GSE1: variants seen among roughly 807,000 people sequenced by gnomAD.
The protein encoded by GSE1 is Gse1 coiled-coil protein.
A neutral mutation model predicts 112.6 loss-of-function variants in GSE1; 32 were observed. The observed-to-expected ratio is 0.28, with a 90% confidence interval of 0.21 to 0.38. The LOEUF is 0.38. Among genes scored for constraint, GSE1 ranks in the 10% least tolerant of loss-of-function variants. The pLI is 1.00. For missense variants in GSE1, 2,348 were observed against 1,699.2 expected (o/e 1.38, Z -6.71); for synonymous variants, 1,115 against 735.6 (o/e 1.52, Z -8.35).
At chr16:85,296,422 T>A (rs891769511) in intron 1 of GSE1, among the ~76,000 whole-genome samples, 1 of 152,020 alleles carries the variant, frequency 6.6e-6, no homozygotes, top group African/African-American at 2.4e-5. Context: ...CTGGGCAACA[T>A]GGTGAAACCC....
chr16:85,536,349 G>A (rs966165655), intron 2 of GSE1, among the ~76,000 whole-genome samples: 3 of 152,186 alleles, frequency 2.0e-5, no homozygotes, highest in Admixed American at 2.0e-4. Flanking sequence ...GGCTGCATGG[G>A]GGTGAGAAGA....
intron 11 of GSE1, 64 bp from the exon 12 acceptor site, chr16:85,664,951 C>G (rs1001085279): frequency 1.8e-6 from 2 of 1,110,622 alleles, no homozygotes; most frequent in East Asian, 2.4e-5. Context: ...GCTAGAATCC[C>G]GCTGTCCTTC....
At chr16:85,432,906 G>A (rs1048373368) in intron 2 of GSE1, among the ~76,000 whole-genome samples, 3 of 152,224 alleles carry the variant, frequency 2.0e-5, no homozygotes, top group Admixed American at 6.5e-5. Flanking sequence ...GGGTCATCCT[G>A]TGGCTCCAGG....
chr16:85,188,066 C>G (rs1264381702), intron 1 of GSE1, among the ~76,000 whole-genome samples: 1 of 152,202 alleles, frequency 6.6e-6, no homozygotes, highest in African/African-American at 2.4e-5. Flanking sequence ...CAGTGGCTGC[C>G]AGGCCGTGGC....
rs141367009 is a variant in GSE1 at position 85,474,604 on chromosome 16, C to A, written c.2464+116961C>A. ...CTGTGTCCCCATCACCCTGTCTCCT[C>A]CCCCAGTCCCCCTTGCTCTTACCAC... On this transcript the variant is annotated intron_variant, in intron 2 of 2. Transcript: ENST00000637419. Among the ~76,000 whole-genome samples the A allele has an allele frequency of 7.2e-3, 1,090 of 151,586 alleles. 6 individuals are homozygous for A. Among genetic ancestry groups the A allele is most frequent in the Non-Finnish European group, 0.011 (717 of 67,808 alleles).
At chr16:85,216,739 C>T (rs940817565) in intron 1 of GSE1, among the ~76,000 whole-genome samples, 1 of 152,216 alleles carries the variant, frequency 6.6e-6, no homozygotes, top group African/African-American at 2.4e-5. Flanking sequence ...CTTAGAGGTG[C>T]TGTGTTCACC....
At chr16:85,337,931 T>G (rs2046539596) in intron 1 of GSE1, among the ~76,000 whole-genome samples, 1 of 152,168 alleles carries the variant, frequency 6.6e-6, no homozygotes, top group Admixed American at 6.5e-5. Context: ...CAGCCTGGAG[T>G]TGGAGACTAT....
At chr16:85,494,643 A>G (rs1256050612) in intron 2 of GSE1, among the ~76,000 whole-genome samples, 3 of 151,370 alleles carry the variant, frequency 2.0e-5, no homozygotes, top group African/African-American at 7.3e-5. Context: ...GACTCAAGCA[A>G]CCCTCCCTCC....
intron 2 of GSE1, among the ~76,000 whole-genome samples, chr16:85,475,230 C>T (rs1268597928): frequency 6.6e-6 from 1 of 152,222 alleles, no homozygotes; most frequent in African/African-American, 2.4e-5. Flanking sequence ...CACCCCACCT[C>T]CTGTAAACCA....
intron 2 of GSE1, among the ~76,000 whole-genome samples, chr16:85,532,459 C>G (rs2044168518): frequency 1.3e-5 from 2 of 152,202 alleles, no homozygotes; most frequent in Non-Finnish European, 2.9e-5. Flanking sequence ...GATGAAGTCT[C>G]CCTTTGTAGC....
chr16:85,531,376 G>A (rs576101116), intron 2 of GSE1, among the ~76,000 whole-genome samples: 30 of 152,276 alleles, frequency 2.0e-4, no homozygotes, highest in African/African-American at 7.2e-4. Context: ...GCTGACCCCT[G>A]TCATGGCCCT....
chr16:85,532,984 C>A (rs1237784935), intron 2 of GSE1, among the ~76,000 whole-genome samples: 2 of 152,240 alleles, frequency 1.3e-5, no homozygotes, highest in East Asian at 3.8e-4. Context: ...AACCAGCCCG[C>A]TCCCTACCTC....
intron 2 of GSE1, among the ~76,000 whole-genome samples, chr16:85,386,822 G>T (rs774133163): frequency 6.6e-6 from 1 of 152,202 alleles, no homozygotes; most frequent in Admixed American, 6.5e-5. Flanking sequence ...CTTGTTACCA[G>T]ATTTTACCCT....
At position 85,655,754 on chromosome 16, in the gene GSE1, C is replaced by A; in HGVS notation, c.826C>A (p.Leu276Met). 6.2e-7 allele frequency: 1 copy of A among 1,608,786 alleles called. No homozygotes were observed. Among genetic ancestry groups the A allele is most frequent in the South Asian group, 1.1e-5 (1 of 90,456 alleles). ...GGACGACTCCTACTGCCTGTCTGCC[C>A]TGAGGTCCCCGTTCTACCCCATCCC... ...RMDDSYCLSA[L>M]RSPFYPIPTP... The change falls in exon 6 of 16, where the codon CTG (leucine) becomes ATG (methionine). Residue 276 changes from leucine to methionine, a missense_variant. Coordinates refer to ENST00000253458, the MANE Select transcript of GSE1 (RefSeq NM_014615.5).
chr16:85,580,743 G>A (rs997137833), intron 1 of GSE1, among the ~76,000 whole-genome samples: 2 of 152,204 alleles, frequency 1.3e-5, no homozygotes, highest in African/African-American at 4.8e-5. Context: ...TCTCAGGGTG[G>A]GCCCCTGCTC....
At chr16:85,518,112 G>T (rs904158147) in intron 2 of GSE1, among the ~76,000 whole-genome samples, 2 of 152,230 alleles carry the variant, frequency 1.3e-5, no homozygotes, top group African/African-American at 4.8e-5. Flanking sequence ...CGCCAGCCAG[G>T]CTATCACTGC....
At chr16:85,291,023 C>T (rs1037202413) in intron 1 of GSE1, among the ~76,000 whole-genome samples, 7 of 152,220 alleles carry the variant, frequency 4.6e-5, no homozygotes, top group East Asian at 1.9e-4. Context: ...GGAATAATCA[C>T]GAGAACAGCA....
intron 1 of GSE1, among the ~76,000 whole-genome samples, chr16:85,601,028 A>G (rs2047441763): frequency 6.6e-6 from 1 of 152,116 alleles, no homozygotes; most frequent in African/African-American, 2.4e-5. Context: ...GCTGCCATCC[A>G]GGAGGACTCC....
chr16:85,247,262 G>T (rs1056583043), intron 1 of GSE1, among the ~76,000 whole-genome samples: 1 of 152,170 alleles, frequency 6.6e-6, no homozygotes, highest in African/African-American at 2.4e-5. Flanking sequence ...CCAGCACCTA[G>T]AAAAGACCTA....
Sources: gnomAD v4.1 joint callset for allele counts (sites outside exome capture counted in the v4.1 genomes callset) on GRCh38, gnomAD v4.1.1 for gene constraint, MANE v1.5 for transcripts, NCBI Gene and HGNC (gene_info 2026-07-23, HGNC 2026-07-21) for gene names.